The following NCKAP5 variants were observed in gnomAD, a reference collection of about 807,000 sequenced individuals.
The protein encoded by NCKAP5 is NCK associated protein 5, also known as nck-associated protein 5.
Under a neutral mutation model 167.0 loss-of-function variants are expected in NCKAP5, and 92 were observed. The observed-to-expected ratio is 0.55, with a 90% CI of 0.47 to 0.66. The LOEUF is 0.66. Among genes scored for constraint, NCKAP5 ranks in the 30% least tolerant of loss-of-function variants. NCKAP5 has a pLI of 0.00. For missense variants in NCKAP5, 2,378 were observed against 2,315.0 expected, an observed-to-expected ratio of 1.03 and a Z score of -0.56; for synonymous variants, 891 against 877.4, an observed-to-expected ratio of 1.02 and a Z score of -0.27.
intron 7 of NCKAP5, among the ~76,000 whole-genome samples, chr2:132,965,155 T>C (rs1015192995): frequency 1.3e-5 from 2 of 152,172 alleles, no homozygotes; most frequent in Admixed American, 1.3e-4. Flanking sequence ...TCTCTGTATA[T>C]ATAAATGCAT....
At chr2:132,960,940 G>A (rs1394197643) in intron 8 of NCKAP5, among the ~76,000 whole-genome samples, 3 of 152,256 alleles carry the variant, frequency 2.0e-5, no homozygotes, top group African/African-American at 4.8e-5. Context: ...TCAAAAATAC[G>A]CTGATGGGGT....
chr2:133,538,665 C>A (rs1160800417), intron 2 of NCKAP5, among the ~76,000 whole-genome samples: 1 of 152,060 alleles, frequency 6.6e-6, no homozygotes, highest in Non-Finnish European at 1.5e-5. Context: ...ATACATCAGG[C>A]ACCAAAAGCT....
At chr2:133,360,163 T>C (rs752958194) in intron 3 of NCKAP5, among the ~76,000 whole-genome samples, 10 of 152,160 alleles carry the variant, frequency 6.6e-5, no homozygotes, top group Non-Finnish European at 1.0e-4. Flanking sequence ...AGGATCATGA[T>C]TGATTTTTAG....
intron 3 of NCKAP5, among the ~76,000 whole-genome samples, chr2:133,469,443 A>AT (rs1452754354): frequency 6.6e-6 from 1 of 151,544 alleles, no homozygotes. Context: ...TGCCCTTAAC[A>AT]TTTTTTCCTT....
At chr2:133,382,182 C>A (rs2150952394) in intron 3 of NCKAP5, among the ~76,000 whole-genome samples, 1 of 152,290 alleles carries the variant, frequency 6.6e-6, no homozygotes, top group African/African-American at 2.4e-5. Context: ...ATCTCAAATT[C>A]AACGAACATC....
chr2:132,814,830 A>T (rs1192266418), intron 11 of NCKAP5, among the ~76,000 whole-genome samples: 5 of 152,196 alleles, frequency 3.3e-5, no homozygotes, highest in African/African-American at 1.2e-4. Flanking sequence ...CTAAAAAGGC[A>T]TATCTTCCCC....
chr2:132,910,725 C>A (rs188060044), intron 8 of NCKAP5, among the ~76,000 whole-genome samples: 1 of 152,272 alleles, frequency 6.6e-6, no homozygotes, highest in Admixed American at 6.5e-5. Context: ...TGCTACATTG[C>A]AATTCATTTT....
the NCKAP5 span, among the ~76,000 whole-genome samples, chr2:133,670,852 G>A: frequency 6.6e-6 from 1 of 152,158 alleles, no homozygotes; most frequent in Non-Finnish European, 1.5e-5. Flanking sequence ...TCCTGCCAGA[G>A]GTGTCAGGTT....
intron 6 of NCKAP5, among the ~76,000 whole-genome samples, chr2:133,079,087 C>G (rs548174552): frequency 3.9e-5 from 6 of 152,208 alleles, no homozygotes; most frequent in Non-Finnish European, 7.4e-5. Flanking sequence ...TCACTGACAC[C>G]AGGGATTTAT....
chr2:133,604,593 G>A, the NCKAP5 span, among the ~76,000 whole-genome samples: 15 of 152,060 alleles, frequency 9.9e-5, 3 homozygotes, highest in African/African-American at 2.7e-4. Context: ...TGTTATCACC[G>A]AGAGAACAGA....
chr2:133,639,060 C>T, the NCKAP5 span, among the ~76,000 whole-genome samples: 1 of 152,152 alleles, frequency 6.6e-6, no homozygotes, highest in Non-Finnish European at 1.5e-5. Context: ...TAATGACCAA[C>T]AGATATAAGA....
intron 10 of NCKAP5, among the ~76,000 whole-genome samples, chr2:132,864,345 A>C (rs1690170523): frequency 2.3e-5 from 1 of 43,292 alleles, no homozygotes; most frequent in African/African-American, 6.0e-5. Flanking sequence ...ACTACATTTA[A>C]TATCATGAAA....
At chr2:133,042,703 T>C (rs897253723) in intron 6 of NCKAP5, among the ~76,000 whole-genome samples, 6 of 152,214 alleles carry the variant, frequency 3.9e-5, no homozygotes, top group African/African-American at 1.2e-4. Context: ...TAAGGACTAA[T>C]ATTAATTAAG....
At chr2:133,103,082 G>A (rs2081570335) in intron 6 of NCKAP5, among the ~76,000 whole-genome samples, 1 of 152,046 alleles carries the variant, frequency 6.6e-6, no homozygotes, top group Non-Finnish European at 1.5e-5. Flanking sequence ...ATTTTTCCCA[G>A]TGAGAAAGAT....
At chr2:133,018,223 C>T (rs533416884) in intron 6 of NCKAP5, among the ~76,000 whole-genome samples, 1 of 152,252 alleles carries the variant, frequency 6.6e-6, no homozygotes, top group South Asian at 2.1e-4. Context: ...TGCAGGGGTT[C>T]TATGCAATGA....
At chr2:133,308,368 G>A (rs1401737445) in intron 3 of NCKAP5, among the ~76,000 whole-genome samples, 2 of 152,040 alleles carry the variant, frequency 1.3e-5, no homozygotes, top group African/African-American at 4.8e-5. Flanking sequence ...GATTACAGGC[G>A]TGAGCCACCG....
chr2:133,417,312 C>T (rs1689179171), intron 3 of NCKAP5, among the ~76,000 whole-genome samples: 2 of 152,152 alleles, frequency 1.3e-5, no homozygotes, highest in South Asian at 4.1e-4. Context: ...ATTCAAAGCG[C>T]AATTTCCCAT....
At chr2:132,951,197 T>C (rs1472794270) in intron 8 of NCKAP5, among the ~76,000 whole-genome samples, 1 of 152,208 alleles carries the variant, frequency 6.6e-6, no homozygotes, top group Admixed American at 6.5e-5. Flanking sequence ...GAGGAGCCCC[T>C]GTCCACCGTG....
rs146403790 is a variant in NCKAP5, at chr2:132,784,598, T to A, written c.2213A>T (p.Asp738Val). ...DYTFFKRSEE[D>V]TEKNIPKDNV... Reference sequence around the variant, plus strand: ...ATCTTTTGGAATGTTTTTCTCAGTGTCCTCTTCAGACCTTTTAAAGAAAGT... The same window carrying A: ...ATCTTTTGGAATGTTTTTCTCAGTGACCTCTTCAGACCTTTTAAAGAAAGT... The change falls in exon 14 of 20, where the codon GAC (aspartate) becomes GTC (valine). Residue 738 changes from aspartate (D) to valine (V), a missense_variant. Around this residue, in one of 3 missense-constraint regions of NCKAP5, gnomAD observed 1,049 missense variants for 1,023.4 expected, o/e 1.02. Transcript: ENST00000409261. The A allele has an allele frequency of 5.0e-4, 806 of 1,601,446 alleles. No homozygotes were observed. Among genetic ancestry groups the A allele is most frequent in the Non-Finnish European group, 6.4e-4 (752 of 1,173,040 alleles).
Sources: allele counts gnomAD v4.1 joint callset (sites outside exome capture counted in the v4.1 genomes callset), GRCh38; gene constraint gnomAD v4.1.1; regional missense constraint gnomAD v4.1.1; transcripts MANE v1.5; gene names NCBI Gene and HGNC (gene_info 2026-07-23, HGNC 2026-07-21).